Variants in AFF2 observed in about 807,000 individuals in gnomAD.
AFF2 encodes ALF transcription elongation factor 2, also known as AF4/FMR2 family member 2.
A neutral mutation model predicts 76.9 loss-of-function variants in AFF2; 14 were observed. That is an observed-to-expected ratio of 0.18 (90% CI 0.12 to 0.28). The LOEUF is 0.28. Ranked by LOEUF, AFF2 falls within the 10% of genes least tolerant of loss-of-function variation. AFF2 has a pLI of 1.00. For synonymous variants in AFF2, 398 were observed against 366.7 expected, an observed-to-expected ratio of 1.09 and a Z score of -0.98; for missense variants, 868 against 1,001.1, an observed-to-expected ratio of 0.87 and a Z score of 1.79.
intron 1 of AFF2, among the ~76,000 whole-genome samples, chrX:148,503,459 GA>G (rs2052375385): frequency 9.0e-6 from 1 of 111,248 alleles, no homozygotes; most frequent in Non-Finnish European, 1.9e-5. Flanking sequence ...GCCAAGAAAG[GA>G]AAAAAGACCA....
At chrX:148,981,975 G>A (rs185815566) in intron 19 of AFF2, among the ~76,000 whole-genome samples, 2 of 111,429 alleles carry the variant, frequency 1.8e-5, no homozygotes, top group African/African-American at 3.3e-5. Flanking sequence ...TTATATTGAC[G>A]AACAAAAGAG....
intron 1 of AFF2, among the ~76,000 whole-genome samples, chrX:148,602,614 G>A (rs369131180): frequency 1.9e-4 from 21 of 110,612 alleles, no homozygotes; most frequent in African/African-American, 6.9e-4. Context: ...TTTGCTCTTG[G>A]GGTTGAGTGA....
chrX:148,919,275 C>T (rs1388418722), intron 9 of AFF2, among the ~76,000 whole-genome samples: 3 of 111,070 alleles, frequency 2.7e-5, no homozygotes, highest in African/African-American at 6.5e-5. Context: ...GCAATATCAC[C>T]GTAGCTCAGT....
At chrX:148,815,270 A>G (rs1194160275) in intron 4 of AFF2, among the ~76,000 whole-genome samples, 2 of 112,062 alleles carry the variant, frequency 1.8e-5, no homozygotes, top group Admixed American at 9.5e-5. Flanking sequence ...TCTGATGACT[A>G]GTTCTTACCT....
intron 1 of AFF2, among the ~76,000 whole-genome samples, chrX:148,541,009 T>A: frequency 8.9e-6 from 1 of 112,391 alleles, no homozygotes; most frequent in East Asian, 2.8e-4. Flanking sequence ...CAGATGCCTT[T>A]GAAAAGAAAC....
At chrX:148,861,999 A>G (rs2070853496) in intron 7 of AFF2, among the ~76,000 whole-genome samples, 1 of 109,988 alleles carries the variant, frequency 9.1e-6, no homozygotes, top group Non-Finnish European at 1.9e-5. Flanking sequence ...TGCAACTGTA[A>G]GTTGTCTCCG....
chrX:148,859,276 A>G (rs2070820394), intron 7 of AFF2, among the ~76,000 whole-genome samples: 1 of 109,319 alleles, frequency 9.1e-6, no homozygotes, highest in Non-Finnish European at 1.9e-5. Context: ...TGGGCTTAAT[A>G]TCTGGATGAT....
intron 7 of AFF2, among the ~76,000 whole-genome samples, chrX:148,860,864 C>G (rs1186394953): frequency 9.0e-6 from 1 of 111,686 alleles, no homozygotes; most frequent in Non-Finnish European, 1.9e-5. Flanking sequence ...CTTGAGTAAA[C>G]ACATTTTTTT....
intron 1 of AFF2, among the ~76,000 whole-genome samples, chrX:148,540,418 TTTTTTC>T (rs2052839466): frequency 9.2e-6 from 1 of 109,095 alleles, no homozygotes; most frequent in Non-Finnish European, 1.9e-5. Context: ...TTTTTTTTTT[TTTTTTC>T]ATGTTCTCAG....
chrX:148,683,015 A>G (rs1156571999), intron 3 of AFF2, among the ~76,000 whole-genome samples: 1 of 111,592 alleles, frequency 9.0e-6, no homozygotes, highest in Non-Finnish European at 1.9e-5. Flanking sequence ...TAGCGTGGTA[A>G]CACTCTTGTC....
intron 1 of AFF2, among the ~76,000 whole-genome samples, chrX:148,541,933 G>A (rs1340741174): frequency 9.4e-6 from 1 of 106,784 alleles, no homozygotes; most frequent in Non-Finnish European, 1.9e-5. Flanking sequence ...ATGAAGATCA[G>A]CCAGCCACTA....
At chrX:148,670,265 A>G (rs1157384842) in intron 3 of AFF2, among the ~76,000 whole-genome samples, 1 of 111,494 alleles carries the variant, frequency 9.0e-6, no homozygotes, top group Non-Finnish European at 1.9e-5. Context: ...CATTCTCACA[A>G]TAGCAGGACT....
chrX:148,502,475 G>A (rs1270646534), intron 1 of AFF2, among the ~76,000 whole-genome samples: 1 of 112,331 alleles, frequency 8.9e-6, no homozygotes, highest in Admixed American at 9.4e-5. Context: ...CAGCAATTCC[G>A]GATAAATCCT....
At chrX:148,872,093 C>A (rs181123987) in intron 7 of AFF2, among the ~76,000 whole-genome samples, 102 of 110,380 alleles carry the variant, frequency 9.2e-4, no homozygotes, top group African/African-American at 3.2e-3. Context: ...TCTTGTCCAG[C>A]TGTGAGACTT....
intron 19 of AFF2, 142 bp downstream of exon 19, chrX:148,980,932 G>C (rs41299106): frequency 2.7e-6 from 1 of 366,264 alleles, no homozygotes; most frequent in Non-Finnish European, 4.9e-6. Context: ...GCCAGGCTTC[G>C]GCTAATGGCA....
intron 1 of AFF2, among the ~76,000 whole-genome samples, chrX:148,630,365 C>T (rs2053967940): frequency 8.9e-6 from 1 of 111,744 alleles, no homozygotes; most frequent in Non-Finnish European, 1.9e-5. Flanking sequence ...AGTGAGATAC[C>T]ACAGATAAAC....
chrX:148,840,910 A>T (rs2070591726), intron 5 of AFF2, among the ~76,000 whole-genome samples: 1 of 112,406 alleles, frequency 8.9e-6, no homozygotes, highest in Non-Finnish European at 1.9e-5. Context: ...ATGTACCAAA[A>T]AATTAAAAAT....
chrX:148,666,717 A>C (rs782382060), intron 3 of AFF2, among the ~76,000 whole-genome samples: 6 of 111,988 alleles, frequency 5.4e-5, no homozygotes, highest in South Asian at 7.4e-4. Flanking sequence ...GGTTTAGAAG[A>C]ATTTTCTCGG....
intron 1 of AFF2, among the ~76,000 whole-genome samples, chrX:148,633,095 G>A (rs1160910293): frequency 8.9e-6 from 1 of 112,092 alleles, no homozygotes; most frequent in Non-Finnish European, 1.9e-5. Context: ...GCAACTGGAT[G>A]ATACTGCAGT....
Sources: allele counts gnomAD v4.1 joint callset (sites outside exome capture counted in the v4.1 genomes callset), GRCh38; gene constraint gnomAD v4.1.1; transcripts MANE v1.5; gene names NCBI Gene and HGNC (gene_info 2026-07-23, HGNC 2026-07-21).